The following METTL2B variants were observed in gnomAD, a reference collection of about 807,000 sequenced individuals.
METTL2B encodes the protein tRNA N(3)-cytidine methyltransferase METTL2B.
In METTL2B, 28 loss-of-function variants were observed where a neutral mutation model predicts 51.0. The ratio of observed to expected loss-of-function variants is 0.55; its 90% CI spans 0.41 to 0.75. The LOEUF (loss-of-function observed/expected upper bound fraction) is 0.75, where lower values mean the gene tolerates loss of function less well. Ranked by LOEUF, METTL2B falls within the 30% of genes least tolerant of loss-of-function variation. The probability of loss-of-function intolerance (pLI) is 0.00; values close to 1 mark genes in which losing one functional copy is unlikely to be tolerated. For synonymous variants in METTL2B, 128 were observed against 166.3 expected (o/e 0.77, Z 1.77); for missense variants, 313 against 460.7 (o/e 0.68, Z 2.93).
chr7:128,477,170 C>T lies in METTL2B; in HGVS notation c.199C>T (p.Gln67Ter), dbSNP rs1449236159. 6 of 1,613,802 alleles carry T rather than the reference C, an allele frequency of 3.7e-6. No individual in the cohort carries two copies. Among genetic ancestry groups the T allele is most frequent in the African/African-American group, 2.7e-5 (2 of 74,986 alleles). The change falls in exon 2 of 9, where the codon CAA becomes TAA. Residue 67 changes from glutamine (Q) to a stop codon, truncating the protein, a stop_gained. Coordinates refer to ENST00000262432, the MANE Select transcript of METTL2B (RefSeq NM_018396.3). LOFTEE classifies it high-confidence loss of function. Reference sequence around the variant, plus strand: ...TATCCAGCGGGTGTGCCAGGAGAAACAAGGTGCGCTTAAATGGGCTCTCGT... The same window carrying T: ...TATCCAGCGGGTGTGCCAGGAGAAATAAGGTGCGCTTAAATGGGCTCTCGT... ...NSIQRVCQEK[Q>*]VDYEINAHKY...
At position 128,479,340 on chromosome 7, in the gene METTL2B, A is replaced by G. The variant is rs2023329; in HGVS notation, c.385A>G (p.Asn129Asp). The stretch of plus-strand genomic sequence containing the variant: ...GAGTGAAGTATGTGAATGTAGAAAC[A>G]ATGAGGATGGACCTGGTTTAATAAT... ...NKSEVCECRN[N>D]EDGPGLIMEE... Residue 129 changes from asparagine to aspartate, a missense_variant, in exon 3 of 9, where the codon AAT becomes GAT. Asn to Asp is a conservative substitution (Grantham distance 23). Around this residue, in one of 4 missense-constraint regions of METTL2B, gnomAD observed 67 missense variants for 101.4 expected, o/e 0.66. Coordinates refer to ENST00000262432, the MANE Select transcript of METTL2B (RefSeq NM_018396.3). The G allele has an allele frequency of 1.2e-6, 2 of 1,614,252 alleles. No individual in the cohort carries two copies. The highest frequency in any genetic ancestry group is 1.7e-6 in the Non-Finnish European group (2 of 1,180,040).
intron 4 of METTL2B, among the ~76,000 whole-genome samples, chr7:128,485,869 A>G (rs1351869045): frequency 6.6e-6 from 1 of 152,194 alleles, no homozygotes; most frequent in Admixed American, 6.6e-5. Flanking sequence ...CATTTATATT[A>G]GGCGTTATAG....
At position 128,493,128 on chromosome 7, in the gene METTL2B, G is replaced by C. The variant is rs1335508737; in HGVS notation, c.670-676G>C. ...TCACTGTCTCCCTTCAATTATTCCTGATCTTTACTCTTTGAGTCCTCCCTG... is the reference window on the plus strand; with the variant it reads ...TCACTGTCTCCCTTCAATTATTCCTCATCTTTACTCTTTGAGTCCTCCCTG... On this transcript the variant is annotated intron_variant, in intron 5 of 8. Coordinates refer to ENST00000262432, the MANE Select transcript of METTL2B (RefSeq NM_018396.3). Among the ~76,000 whole-genome samples the C allele has an allele frequency of 3.9e-5, 6 of 151,984 alleles. No individual in the cohort carries two copies. In the East Asian group the frequency reaches 9.6e-4, roughly 24 times the overall value.
intron 7 of METTL2B, among the ~76,000 whole-genome samples, chr7:128,498,704 A>G (rs1454543481): frequency 1.3e-5 from 2 of 152,170 alleles, no homozygotes; most frequent in South Asian, 4.1e-4. Context: ...TATTAGAAAG[A>G]CATTTGAAAG....
chr7:128,485,507 CA>C lies in METTL2B; in HGVS notation c.609-2585del, dbSNP rs962519357. On this transcript the variant is annotated intron_variant, in intron 4 of 8. Transcript: ENST00000262432. The stretch of plus-strand genomic sequence containing the variant: ...TGAAACCCCGTCTCCACTCAAAATA[CA>C]AAAAAAAATTAGCCAGTCGTGGTGG... 7.1e-4 allele frequency among the ~76,000 whole-genome samples: 107 copies of C among 151,080 alleles called. 1 individual carries two copies. The highest frequency in any genetic ancestry group is 2.2e-3 in the Admixed American group (34 of 15,134).
chr7:128,491,191 G>C (rs1792822562), intron 5 of METTL2B, among the ~76,000 whole-genome samples: 1 of 148,872 alleles, frequency 6.7e-6, no homozygotes, highest in East Asian at 2.0e-4. Context: ...GTTACAATTG[G>C]CCAGGCGTGG....
rs76760933 is a variant in METTL2B at position 128,492,195 on chromosome 7, C to T, written c.670-1609C>T. Among the ~76,000 whole-genome samples the T allele has an allele frequency of 1.1e-4, 16 of 150,064 alleles. 1 individual carries two copies. The highest frequency in any genetic ancestry group is 3.2e-4 in the African/African-American group (13 of 40,866). ...TTTTTGAGATGGAGTCTAGCTCTGT[C>T]GCCCAGGCTGGAGTGCAGTGGCGTG... On this transcript the variant is annotated intron_variant, in intron 5 of 8. Transcript: ENST00000262432.
chr7:128,478,558 A>AT (rs1200837269), intron 2 of METTL2B, among the ~76,000 whole-genome samples: 1 of 148,128 alleles, frequency 6.8e-6, no homozygotes, highest in Non-Finnish European at 1.5e-5. Flanking sequence ...TACTTCTAGG[A>AT]TTTTTTAATA....
intron 5 of METTL2B, among the ~76,000 whole-genome samples, chr7:128,492,578 A>G (rs1584794695): frequency 6.7e-6 from 1 of 149,566 alleles, no homozygotes; most frequent in Non-Finnish European, 1.5e-5. Context: ...CACTGTGCCT[A>G]GCAGATCGTG....
At chr7:128,492,000 C>T (rs368888484) in intron 5 of METTL2B, among the ~76,000 whole-genome samples, 5 of 152,054 alleles carry the variant, frequency 3.3e-5, no homozygotes, top group African/African-American at 9.7e-5. Flanking sequence ...TGTTTTGAAT[C>T]GTGTACTTTG....
In METTL2B at chr7:128,493,830, G is replaced by T. The variant is rs1321342380; in HGVS notation, c.696G>T (p.Arg232=). ...VQTNSEYDPS[R]CFAFVHDLCD... ...CAAATTCAGAATATGATCCTTCTCGGTGTTTTGCCTTTGTTCACGACCTGT... is the reference window on the plus strand; with the variant it reads ...CAAATTCAGAATATGATCCTTCTCGTTGTTTTGCCTTTGTTCACGACCTGT... The change falls in exon 6 of 9, where the codon CGG becomes CGT. Residue 232 remains arginine, a synonymous_variant. Coordinates refer to ENST00000262432, the MANE Select transcript of METTL2B (RefSeq NM_018396.3). 2 of 1,610,456 alleles carry T rather than the reference G, an allele frequency of 1.2e-6. No homozygotes were observed. Among genetic ancestry groups the T allele is most frequent in the Admixed American group, 1.7e-5 (1 of 58,600 alleles).
rs746212621 is a variant in METTL2B at position 128,493,011 on chromosome 7, TCATG to T, written c.670-788_670-785del. On this transcript the variant is annotated intron_variant, in intron 5 of 8. Coordinates refer to ENST00000262432, the MANE Select transcript of METTL2B (RefSeq NM_018396.3). The stretch of plus-strand genomic sequence containing the variant: ...CGTTTTCCAATTCTTAGATCTGACT[TCATG>T]CATGAGAAGTACAGAAAGTACACAA... Among the ~76,000 whole-genome samples the T allele has an allele frequency of 7.7e-4, 117 of 152,082 alleles. 1 individual carries two copies. The highest frequency in any genetic ancestry group is 6.8e-3 in the Admixed American group (103 of 15,246).
chr7:128,497,918 A>G, intron 6 of METTL2B, 118 bp from the exon 7 acceptor site: 1 of 947,728 alleles, frequency 1.1e-6, no homozygotes, highest in African/African-American at 1.6e-5. Flanking sequence ...AGGAGCTTAG[A>G]TCTCAGACTT....
At chr7:128,490,875 TG>T (rs1267894280) in intron 5 of METTL2B, among the ~76,000 whole-genome samples, 1 of 152,118 alleles carries the variant, frequency 6.6e-6, no homozygotes, top group African/African-American at 2.4e-5. Context: ...AAAATGTATC[TG>T]TTATGGCTGG....
At position 128,501,810 on chromosome 7, in the gene METTL2B, A is replaced by G; in HGVS notation, c.1031A>G (p.Asn344Ser). The G allele has an allele frequency of 2.5e-6, 4 of 1,614,192 alleles. No homozygotes were observed. The highest frequency in any genetic ancestry group is 1.1e-5 in the South Asian group (1 of 91,088). ...FTTAGLEKVQ[N>S]LVDRRLQVNR... ...ACTGCTGGACTGGAAAAAGTTCAGA[A>G]TCTGGTGGACCGCCGACTGCAGGTG... Residue 344 changes from asparagine (N) to serine (S), a missense_variant, in exon 9 of 9, where the codon AAT becomes AGT. Physicochemically the swap from Asn to Ser is conservative, Grantham distance 46. This residue lies in a region of METTL2B where 138 missense variants were observed against 187.6 expected (regional missense o/e 0.74). Transcript: ENST00000262432.
chr7:128,485,855 A>G (rs1235184172), intron 4 of METTL2B, among the ~76,000 whole-genome samples: 1 of 152,196 alleles, frequency 6.6e-6, no homozygotes, highest in East Asian at 1.9e-4. Context: ...AACTGTTTAC[A>G]TAGCATTTAT....
chr7:128,493,316 G>A (rs1449069090), intron 5 of METTL2B, among the ~76,000 whole-genome samples: 1 of 151,438 alleles, frequency 6.6e-6, no homozygotes, highest in African/African-American at 2.4e-5. Flanking sequence ...GGGTTCAAGC[G>A]ATTCTCCTGC....
intron 5 of METTL2B, among the ~76,000 whole-genome samples, chr7:128,491,057 A>G (rs1046048045): frequency 4.0e-5 from 6 of 148,386 alleles, no homozygotes; most frequent in Non-Finnish European, 5.9e-5. Context: ...GCTACTTGGG[A>G]GGCTGAAGAA....
At position 128,500,955 on chromosome 7, in the gene METTL2B, C is replaced by A; in HGVS notation, c.969C>A (p.Tyr323Ter). ...FYVRGDGTRV[Y>*]FFTQEELDTL... Reference sequence around the variant, plus strand: ...TGAGAGGTGATGGAACCAGAGTTTACTTCTTCACACAAGGTATGAAACACT... The same window carrying A: ...TGAGAGGTGATGGAACCAGAGTTTAATTCTTCACACAAGGTATGAAACACT... Residue 323 changes from tyrosine (Y) to a stop codon, truncating the protein, a stop_gained, in exon 8 of 9, where the codon TAC becomes TAA. Coordinates refer to ENST00000262432, the MANE Select transcript of METTL2B (RefSeq NM_018396.3). LOFTEE classifies it high-confidence loss of function. 1 of 1,614,202 alleles carries A rather than the reference C, an allele frequency of 6.2e-7. No homozygotes were observed. Among genetic ancestry groups the A allele is most frequent in the East Asian group, 2.2e-5 (1 of 44,890 alleles).
Sources: allele counts gnomAD v4.1 joint callset (sites outside exome capture counted in the v4.1 genomes callset), GRCh38; gene constraint gnomAD v4.1.1; regional missense constraint gnomAD v4.1.1; transcripts MANE v1.5; gene names NCBI Gene and HGNC (gene_info 2026-07-23, HGNC 2026-07-21).